ABCA12: variants seen among roughly 807,000 people sequenced by gnomAD.
The protein encoded by ABCA12 is glucosylceramide transporter ABCA12.
Under a neutral mutation model 293.5 loss-of-function variants are expected in ABCA12, and 156 were observed. The ratio of observed to expected loss-of-function variants is 0.53; its 90% confidence interval spans 0.47 to 0.61. The LOEUF (loss-of-function observed/expected upper bound fraction) is 0.61, where lower values mean the gene tolerates loss of function less well. ABCA12 is among the 20% of genes least tolerant of loss of function. ABCA12 has a pLI of 0.00. For missense variants in ABCA12, 2,797 were observed against 3,090.2 expected (o/e 0.91, Z 2.25); for synonymous variants, 1,063 against 1,108.0 (o/e 0.96, Z 0.81).
chr2:214,949,005 T>G, intron 46 of ABCA12, 35 bp downstream of exon 46: 3 of 1,513,154 alleles, frequency 2.0e-6, no homozygotes, highest in Non-Finnish European at 2.8e-6. Context: ...TTAAGTATGT[T>G]GTACTCGCTA....
At chr2:215,035,571 C>T (rs1161644879) in intron 8 of ABCA12, among the ~76,000 whole-genome samples, 1 of 147,452 alleles carries the variant, frequency 6.8e-6, no homozygotes, top group Non-Finnish European at 1.5e-5. Context: ...GAGGCTGAGG[C>T]AGAGAATTGC....
chr2:214,982,173 G>C lies in ABCA12; in HGVS notation c.4579+14C>G. ...TGACTGTTGGGTGGAGAAGTTCTGA[G>C]AAACTACTCATACCAGTTTTGTTCT... On this transcript the variant is annotated intron_variant, in intron 30 of 52. Coordinates refer to ENST00000272895, the MANE Select transcript of ABCA12 (RefSeq NM_173076.3). 1 of 1,612,654 alleles carries C rather than the reference G, an allele frequency of 6.2e-7. No homozygotes were observed. The highest frequency in any genetic ancestry group is 8.5e-7 in the Non-Finnish European group (1 of 1,178,974).
chr2:215,077,834 G>A (rs968046901), intron 2 of ABCA12, among the ~76,000 whole-genome samples: 35 of 152,062 alleles, frequency 2.3e-4, no homozygotes, highest in African/African-American at 7.2e-4. Context: ...TTTGGAATCC[G>A]AGATCGGACC....
intron 1 of ABCA12, among the ~76,000 whole-genome samples, chr2:215,112,594 GT>G (rs1162232971): frequency 1.3e-5 from 2 of 151,076 alleles, no homozygotes; most frequent in African/African-American, 2.4e-5. Flanking sequence ...TGCCTCCCAG[GT>G]TCAAACAATC....
chr2:215,073,659 T>C (rs1024496327), intron 2 of ABCA12, among the ~76,000 whole-genome samples: 1 of 152,088 alleles, frequency 6.6e-6, no homozygotes, highest in Admixed American at 6.6e-5. Flanking sequence ...AATGGTACAC[T>C]GGGGGAGTGG....
At chr2:215,076,944 G>A (rs1435505747) in intron 2 of ABCA12, among the ~76,000 whole-genome samples, 1 of 152,114 alleles carries the variant, frequency 6.6e-6, no homozygotes, top group African/African-American at 2.4e-5. Context: ...ATGTGATGTA[G>A]TCAAGTATAT....
intron 45 of ABCA12, 111 bp downstream of exon 45, chr2:214,950,768 G>A: frequency 1.7e-6 from 2 of 1,209,420 alleles, no homozygotes; most frequent in Non-Finnish European, 2.4e-6. Flanking sequence ...GCCTCCCAAA[G>A]TGCTAAGATT....
In ABCA12 at chr2:214,975,823, G is replaced by C. The variant is rs770238142; in HGVS notation, c.5343C>G (p.Pro1781=). The C allele has an allele frequency of 6.8e-6, 11 of 1,614,098 alleles. No homozygotes were observed. Among genetic ancestry groups the C allele is most frequent in the Non-Finnish European group, 9.3e-6 (11 of 1,179,966 alleles). The stretch of plus-strand genomic sequence containing the variant: ...TCTGTTCGGAGGTACCATAAAGAGA[G>C]GGGGAGATCTGAATCTCTGGATAAC... ...SNSYPEIQIS[P]SLYGTSEQTA... The change falls in exon 34 of 53, where the codon CCC becomes CCG. Residue 1781 remains proline, a synonymous_variant. Coordinates refer to ENST00000272895, the MANE Select transcript of ABCA12 (RefSeq NM_173076.3).
At chr2:215,125,563 TA>T (rs1425655631) in intron 1 of ABCA12, among the ~76,000 whole-genome samples, 4 of 152,216 alleles carry the variant, frequency 2.6e-5, no homozygotes, top group African/African-American at 9.6e-5. Flanking sequence ...ACAACTAGTG[TA>T]AAAGGGGCTG....
At chr2:215,024,557 CAAATT>C (rs1156500184) in intron 11 of ABCA12, among the ~76,000 whole-genome samples, 11 of 152,052 alleles carry the variant, frequency 7.2e-5, no homozygotes, top group African/African-American at 2.7e-4. Flanking sequence ...TTTGCACAAA[CAAATT>C]AAGATAATGC....
intron 3 of ABCA12, among the ~76,000 whole-genome samples, chr2:215,059,559 GT>G: frequency 6.6e-6 from 1 of 152,028 alleles, no homozygotes; most frequent in East Asian, 1.9e-4. Flanking sequence ...GTGTCTTAGG[GT>G]TTTTTATATT....
chr2:214,960,098 C>A (rs563461642), intron 39 of ABCA12, among the ~76,000 whole-genome samples: 5 of 152,196 alleles, frequency 3.3e-5, no homozygotes, highest in African/African-American at 1.2e-4. Flanking sequence ...TCTCAAGTTA[C>A]ATTTGTAATT....
chr2:215,099,324 TGACGTCC>T (rs1702306050), intron 2 of ABCA12, among the ~76,000 whole-genome samples: 1 of 152,220 alleles, frequency 6.6e-6, no homozygotes, highest in Non-Finnish European at 1.5e-5. Flanking sequence ...GTTGGATGAC[TGACGTCC>T]TAGCCCAAAT....
rs777297954 is a variant in ABCA12 at position 215,064,068 on chromosome 2, G to A, written c.315C>T (p.Asp105=). 7 of 1,612,612 alleles carry A rather than the reference G, an allele frequency of 4.3e-6. No homozygotes were observed. The East Asian group carries it at 1.6e-4, about 36-fold the overall frequency. The change falls in exon 3 of 53, where the codon GAC becomes GAT. Residue 105 remains aspartate (D), a splice_region_variant and synonymous_variant. Coordinates refer to ENST00000272895, the MANE Select transcript of ABCA12 (RefSeq NM_173076.3). ...ACACACTTGAGAAGTGCCCCCACCT[G>A]TCTTTAAATAGTGCATCATCAATTC... ...RKGIDDALFK[D]SEILRKSSNL...
intron 2 of ABCA12, among the ~76,000 whole-genome samples, chr2:215,100,145 G>T (rs780912012): frequency 3.9e-5 from 6 of 151,924 alleles, no homozygotes; most frequent in Non-Finnish European, 8.8e-5. Context: ...CTCCCAAGTA[G>T]CTGGCACCAC....
At chr2:214,967,284 T>C (rs1291690114) in intron 38 of ABCA12, among the ~76,000 whole-genome samples, 1 of 152,154 alleles carries the variant, frequency 6.6e-6, no homozygotes, top group African/African-American at 2.4e-5. Flanking sequence ...ATTCTGAGAC[T>C]AGAACTAAGG....
chr2:215,054,990 T>A (rs1701391876), intron 3 of ABCA12, among the ~76,000 whole-genome samples: 1 of 152,140 alleles, frequency 6.6e-6, no homozygotes, highest in Non-Finnish European at 1.5e-5. Flanking sequence ...AAAAAGTTGA[T>A]AGGTCCCAAA....
At chr2:215,125,439 G>C (rs1260110171) in intron 1 of ABCA12, among the ~76,000 whole-genome samples, 1 of 152,188 alleles carries the variant, frequency 6.6e-6, no homozygotes, top group Non-Finnish European at 1.5e-5. Context: ...AGCATGGGAT[G>C]TGTTTCCATT....
chr2:214,944,607 T>C (rs563847816), intron 49 of ABCA12, among the ~76,000 whole-genome samples: 1 of 151,900 alleles, frequency 6.6e-6, no homozygotes, highest in Admixed American at 6.6e-5. Flanking sequence ...TGGAGAGCCT[T>C]GCATGTTGAG....
Sources: gnomAD v4.1 joint callset for allele counts (sites outside exome capture counted in the v4.1 genomes callset) on GRCh38, gnomAD v4.1.1 for gene constraint, MANE v1.5 for transcripts, NCBI Gene and HGNC (gene_info 2026-07-23, HGNC 2026-07-21) for gene names.